MKLN1: variants seen among roughly 807,000 people sequenced by gnomAD.
MKLN1 encodes the protein muskelin.
In MKLN1, 18 loss-of-function variants were observed where a neutral mutation model predicts 99.0. That is an observed-to-expected ratio of 0.18 (90% CI 0.13 to 0.27). MKLN1 has a LOEUF of 0.27. Ranked by LOEUF, MKLN1 falls within the 10% of genes least tolerant of loss-of-function variation. MKLN1 has a pLI of 1.00. For synonymous variants in MKLN1, 288 were observed against 293.2 expected (o/e 0.98, Z 0.18); for missense variants, 621 against 875.9 (o/e 0.71, Z 3.67).
intron 3 of MKLN1, among the ~76,000 whole-genome samples, chr7:131,292,584 A>G (rs1798237427): frequency 6.6e-6 from 1 of 152,182 alleles, no homozygotes; most frequent in Non-Finnish European, 1.5e-5. Context: ...TCATGTGAAG[A>G]TCAAGGCTGG....
intron 11 of MKLN1, among the ~76,000 whole-genome samples, chr7:131,444,108 C>G (rs1157025790): frequency 2.6e-5 from 4 of 152,120 alleles, no homozygotes; most frequent in African/African-American, 9.6e-5. Flanking sequence ...AATGTATCAG[C>G]AATGGTCAGG....
Position 131,437,968 on chromosome 7 carries a change from G to A in MKLN1, c.1144G>A (p.Gly382Arg), listed in dbSNP as rs1281051400. 5 of 1,613,740 alleles carry A rather than the reference G, an allele frequency of 3.1e-6. No homozygotes were observed. The Admixed American group carries it at 5.0e-5, about 16-fold the overall frequency. The change falls in exon 10 of 18, where the codon GGA becomes AGA. Residue 382 changes from glycine (G) to arginine (R), a missense_variant. Transcript: ENST00000352689. ...MLLSEDTAAD[G>R]GPKLVFDHQM... ...ACTAAGTGAGGATACTGCTGCTGAT[G>A]GAGGGCCGAAATTGGTGTTTGATCA... is the stretch of plus-strand genomic sequence containing the variant.
chr7:131,203,811 TC>T (rs1227137151), intron 3 of MKLN1, among the ~76,000 whole-genome samples: 1 of 152,206 alleles, frequency 6.6e-6, no homozygotes, highest in Non-Finnish European at 1.5e-5. Context: ...GCTTTAGACT[TC>T]TAGCCTGAAC....
At position 131,161,963 on chromosome 7, in the gene MKLN1, GTATATATATATATATA is replaced by G. The variant is rs71168374; in HGVS notation, c.-297+19044_-297+19059del. ...CACATATATATACGTGTGTGTGTGT[GTATATATATATATATA>G]TATATATATATATATATATATGTAA... On this transcript the variant is annotated intron_variant, in intron 2 of 7. Coordinates refer to the MKLN1 transcript ENST00000416992. Among the ~76,000 whole-genome samples, 244 of 109,284 alleles carry G rather than the reference GTATATATATATATATA, an allele frequency of 2.2e-3. 2 individuals carry two copies. The highest frequency in any genetic ancestry group is 7.6e-3 in the East Asian group (32 of 4,218). 71.7% of individuals were successfully genotyped at this position (109,284 alleles called of 152,430 possible). A position where few individuals can be genotyped will look rare whatever the true frequency, so the allele number is the denominator to read the frequency against.
At chr7:131,486,934 G>A (rs1412254099) in intron 17 of MKLN1, among the ~76,000 whole-genome samples, 1 of 152,112 alleles carries the variant, frequency 6.6e-6, no homozygotes, top group East Asian at 1.9e-4. Flanking sequence ...GATAAAAGTA[G>A]TTCATTGCCT....
At chr7:131,442,566 T>A (rs965683309) in intron 10 of MKLN1, among the ~76,000 whole-genome samples, 37 of 152,112 alleles carry the variant, frequency 2.4e-4, no homozygotes, top group Non-Finnish European at 3.8e-4. Context: ...AAACAAATTA[T>A]GAAAATAGCC....
At chr7:131,354,872 C>T in intron 1 of MKLN1, among the ~76,000 whole-genome samples, 1 of 152,022 alleles carries the variant, frequency 6.6e-6, no homozygotes, top group Non-Finnish European at 1.5e-5. Context: ...GCTCATATTT[C>T]CCCCAACCCC....
chr7:131,429,135 C>T lies in MKLN1; in HGVS notation c.950C>T (p.Thr317Ile), dbSNP rs1355183025. ...ENQWTCISRD[T>I]EKENGPSARS... is the part of the protein sequence containing the mutation. ...CAGTGGACATGTATCTCTAGAGACA[C>T]TGAAAAAGAGGCAAGTTCTCAGACT... Residue 317 changes from threonine to isoleucine, a missense_variant, in exon 9 of 18, where the codon ACT (threonine) becomes ATT (isoleucine). This residue lies in a region of MKLN1 where 361 missense variants were observed against 540.8 expected (regional missense o/e 0.67). Coordinates refer to ENST00000352689, the MANE Select transcript of MKLN1 (RefSeq NM_013255.5). 1 of 1,610,346 alleles carries T rather than the reference C, an allele frequency of 6.2e-7. No homozygotes were observed. Among genetic ancestry groups the T allele is most frequent in the Non-Finnish European group, 8.5e-7 (1 of 1,177,478 alleles).
intron 1 of MKLN1, among the ~76,000 whole-genome samples, chr7:131,358,953 T>C (rs912427945): frequency 6.6e-6 from 1 of 152,158 alleles, no homozygotes; most frequent in East Asian, 1.9e-4. Flanking sequence ...TATTGGTCTT[T>C]TCAGGTAGCC....
At chr7:131,436,930 G>A (rs1795691153) in intron 9 of MKLN1, among the ~76,000 whole-genome samples, 1 of 152,062 alleles carries the variant, frequency 6.6e-6, no homozygotes, top group Non-Finnish European at 1.5e-5. Context: ...GCAATGTAAA[G>A]GATGGATAAA....
chr7:131,454,649 T>C (rs1205420186), intron 12 of MKLN1, among the ~76,000 whole-genome samples: 1 of 152,214 alleles, frequency 6.6e-6, no homozygotes, highest in Non-Finnish European at 1.5e-5. Context: ...TAATCATGAT[T>C]AGTCTAAACC....
intron 1 of MKLN1, among the ~76,000 whole-genome samples, chr7:131,135,132 G>A (rs897791223): frequency 6.6e-6 from 1 of 152,062 alleles, no homozygotes; most frequent in Admixed American, 6.5e-5. Context: ...CTTGTTTTTT[G>A]TTTGTTTTGA....
intron 2 of MKLN1, among the ~76,000 whole-genome samples, chr7:131,198,681 G>C (rs1415354863): frequency 2.0e-5 from 3 of 152,090 alleles, no homozygotes; most frequent in Non-Finnish European, 2.9e-5. Flanking sequence ...TAATAGAAAA[G>C]GTAGAAGACT....
At chr7:131,283,521 ACCT>A (rs899175040) in intron 3 of MKLN1, among the ~76,000 whole-genome samples, 1 of 148,162 alleles carries the variant, frequency 6.7e-6, no homozygotes, top group African/African-American at 2.5e-5. Context: ...TGCAGCCTTG[ACCT>A]CCTGGGCTCA....
At chr7:131,209,008 C>T (rs1796859692) in intron 3 of MKLN1, among the ~76,000 whole-genome samples, 1 of 152,112 alleles carries the variant, frequency 6.6e-6, no homozygotes. Context: ...GACATTTGAA[C>T]AGTGATCTCA....
In MKLN1 at chr7:131,463,368, A is replaced by G; in HGVS notation, c.1673+4A>G. ...ATGACATTGTGAGGAATAGTTGGTAAGGAACTCTTGTCTCTGCTGCAATCC... is the reference window on the plus strand; with the variant it reads ...ATGACATTGTGAGGAATAGTTGGTAGGGAACTCTTGTCTCTGCTGCAATCC... On this transcript the variant is annotated splice_donor_region_variant and intron_variant, in intron 13 of 17. Coordinates refer to ENST00000352689, the MANE Select transcript of MKLN1 (RefSeq NM_013255.5). The G allele has an allele frequency of 6.2e-7, 1 of 1,609,536 alleles. No individual in the cohort carries two copies. The highest frequency in any genetic ancestry group is 8.5e-7 in the Non-Finnish European group (1 of 1,178,210).
intron 12 of MKLN1, among the ~76,000 whole-genome samples, chr7:131,457,515 A>AG (rs1390561249): frequency 5.9e-5 from 9 of 152,332 alleles, no homozygotes; most frequent in Non-Finnish European, 7.4e-5. Context: ...GGAAAAAGCG[A>AG]GGGAAAAAAG....
At chr7:131,445,684 T>C in intron 11 of MKLN1, 90 bp from the exon 12 acceptor site, 2 of 1,092,148 alleles carry the variant, frequency 1.8e-6, no homozygotes, top group Non-Finnish European at 2.6e-6. Flanking sequence ...AAAATTACTT[T>C]TGTAGAGGTT....
chr7:131,329,769 A>C (rs1288755727), intron 1 of MKLN1, among the ~76,000 whole-genome samples: 1 of 152,176 alleles, frequency 6.6e-6, no homozygotes. Context: ...GTGTCTTGTT[A>C]CTCTGGCCCC....
Sources: allele counts gnomAD v4.1 joint callset (sites outside exome capture counted in the v4.1 genomes callset), GRCh38; gene constraint gnomAD v4.1.1; regional missense constraint gnomAD v4.1.1; transcripts MANE v1.5; gene names NCBI Gene and HGNC (gene_info 2026-07-23, HGNC 2026-07-21).